The following DOCK3 variants were observed in gnomAD, a reference collection of about 807,000 sequenced individuals.
DOCK3 encodes dedicator of cytokinesis protein 3.
In DOCK3, 60 loss-of-function variants were observed where a neutral mutation model predicts 265.6. The observed-to-expected ratio is 0.23, with a 90% CI of 0.18 to 0.28. DOCK3 has a LOEUF of 0.28. Among genes scored for constraint, DOCK3 ranks in the 10% least tolerant of loss-of-function variants. DOCK3 has a pLI of 1.00. For missense variants in DOCK3, 1,981 were observed against 2,594.3 expected (o/e 0.76, Z 5.14); for synonymous variants, 881 against 938.0 (o/e 0.94, Z 1.11).
intron 51 of DOCK3, among the ~76,000 whole-genome samples, chr3:51,376,958 G>A (rs75438807): frequency 6.4e-4 from 97 of 152,374 alleles, no homozygotes; most frequent in Non-Finnish European, 1.2e-3. Context: ...TTCTGCACCT[G>A]TGACCCAAAA....
intron 2 of DOCK3, among the ~76,000 whole-genome samples, chr3:50,782,293 T>A (rs992807845): frequency 1.5e-5 from 2 of 135,006 alleles, no homozygotes; most frequent in African/African-American, 5.5e-5. Flanking sequence ...CCTGTTATTT[T>A]TTTTTTTTTT....
chr3:51,109,263 C>T (rs2083416503), intron 9 of DOCK3, among the ~76,000 whole-genome samples: 1 of 152,164 alleles, frequency 6.6e-6, no homozygotes, highest in Non-Finnish European at 1.5e-5. Context: ...GGACAACTTG[C>T]TCCTGAATGA....
At chr3:51,213,119 T>G (rs1013806617) in intron 13 of DOCK3, among the ~76,000 whole-genome samples, 13 of 152,174 alleles carry the variant, frequency 8.5e-5, no homozygotes, top group African/African-American at 3.1e-4. Flanking sequence ...ATTCTGCTTG[T>G]TACTATCTCC....
chr3:50,724,638 A>G (rs929212337), intron 1 of DOCK3, among the ~76,000 whole-genome samples: 2 of 151,830 alleles, frequency 1.3e-5, no homozygotes, highest in Non-Finnish European at 2.9e-5. Context: ...GAATGGAACA[A>G]TAACACATGG....
intron 19 of DOCK3, among the ~76,000 whole-genome samples, chr3:51,233,350 C>CTATTTATT (rs1197562744): frequency 7.8e-3 from 188 of 24,176 alleles, no homozygotes; most frequent in African/African-American, 0.016. Context: ...ATCTATCTAT[C>CTATTTATT]TATCTATCTA....
chr3:51,375,621 A>T, intron 50 of DOCK3, 127 bp from the exon 51 acceptor site: 1 of 1,022,228 alleles, frequency 9.8e-7, no homozygotes, highest in Non-Finnish European at 1.5e-6. Flanking sequence ...CTCAAGTGTG[A>T]GCTGTGCCAC....
chr3:50,845,736 T>G (rs1575338969), intron 3 of DOCK3, among the ~76,000 whole-genome samples: 1 of 152,236 alleles, frequency 6.6e-6, no homozygotes, highest in East Asian at 1.9e-4. Context: ...TTGAAGATAT[T>G]TACTGTCAAG....
At chr3:50,692,372 C>G (rs2035307961) in intron 1 of DOCK3, among the ~76,000 whole-genome samples, 1 of 152,180 alleles carries the variant, frequency 6.6e-6, no homozygotes, top group Non-Finnish European at 1.5e-5. Context: ...TCTTCCACCT[C>G]AAGATCATCA....
At chr3:51,138,981 A>G (rs764391028) in intron 9 of DOCK3, among the ~76,000 whole-genome samples, 2 of 152,140 alleles carry the variant, frequency 1.3e-5, no homozygotes, top group Non-Finnish European at 2.9e-5. Context: ...TCTTGCTTTT[A>G]TAACAGCCCT....
At chr3:50,988,679 G>A (rs1176406231) in intron 5 of DOCK3, among the ~76,000 whole-genome samples, 1 of 152,166 alleles carries the variant, frequency 6.6e-6, no homozygotes, top group Non-Finnish European at 1.5e-5. Flanking sequence ...TGCCATCTTT[G>A]CCGTTTTGCA....
intron 2 of DOCK3, among the ~76,000 whole-genome samples, chr3:50,783,308 T>TTC (rs2042020755): frequency 6.6e-6 from 1 of 152,176 alleles, no homozygotes; most frequent in South Asian, 2.1e-4. Context: ...TATAAAAGTG[T>TTC]TCTCTTTTCA....
intron 9 of DOCK3, among the ~76,000 whole-genome samples, chr3:51,121,739 C>T (rs2084026496): frequency 6.6e-6 from 1 of 152,144 alleles, no homozygotes. Flanking sequence ...AGAGTGAACA[C>T]TCCTCTAGAG....
chr3:50,840,881 CT>C (rs1229971420), intron 2 of DOCK3, among the ~76,000 whole-genome samples: 4 of 151,942 alleles, frequency 2.6e-5, no homozygotes, highest in South Asian at 2.1e-4. Context: ...AAAGTTGATT[CT>C]TTTTTTTCAT....
chr3:50,947,879 G>A (rs1322916548), intron 5 of DOCK3, among the ~76,000 whole-genome samples: 1 of 137,616 alleles, frequency 7.3e-6, no homozygotes, highest in Non-Finnish European at 1.6e-5. Context: ...TTTTTTTTAT[G>A]GAGTCTTGCT....
chr3:50,938,410 A>C (rs987371032), intron 5 of DOCK3, among the ~76,000 whole-genome samples: 1 of 152,176 alleles, frequency 6.6e-6, no homozygotes, highest in African/African-American at 2.4e-5. Flanking sequence ...TGAACAGTGC[A>C]ATCAACCATA....
rs145042294 is a variant in DOCK3, at chr3:51,316,078, G to A, written c.3402+950G>A. ...TATGTGTTTTGGCAAATGCATAGTC[G>A]TGTAACCACTACCACAATCAAGAGT... On this transcript the variant is annotated intron_variant, in intron 32 of 52. Coordinates refer to ENST00000266037, the MANE Select transcript of DOCK3 (RefSeq NM_004947.5). Among the ~76,000 whole-genome samples the A allele has an allele frequency of 2.6e-4, 39 of 152,142 alleles. 1 individual carries two copies. Among genetic ancestry groups the A allele is most frequent in the Non-Finnish European group, 4.3e-4 (29 of 67,992 alleles).
intron 2 of DOCK3, chr3:50,786,804 T>G (rs2042208008): frequency 1.3e-6 from 1 of 741,390 alleles, no homozygotes; most frequent in African/African-American, 1.7e-5. Flanking sequence ...CCAACGTGGA[T>G]GCTCATGTGG....
intron 46 of DOCK3, among the ~76,000 whole-genome samples, chr3:51,358,986 C>A (rs980524329): frequency 1.3e-5 from 2 of 152,226 alleles, no homozygotes; most frequent in Non-Finnish European, 2.9e-5. Flanking sequence ...GATATGAGCC[C>A]AATTACCTGC....
intron 5 of DOCK3, among the ~76,000 whole-genome samples, chr3:51,025,626 G>A (rs891883721): frequency 6.6e-6 from 1 of 152,158 alleles, no homozygotes; most frequent in Non-Finnish European, 1.5e-5. Context: ...TTCATGGGGT[G>A]TTTGTCCTCT....
Sources: gnomAD v4.1 joint callset for allele counts (sites outside exome capture counted in the v4.1 genomes callset) on GRCh38, gnomAD v4.1.1 for gene constraint, MANE v1.5 for transcripts, NCBI Gene and HGNC (gene_info 2026-07-23, HGNC 2026-07-21) for gene names.